CELF5: variants seen among roughly 807,000 people sequenced by gnomAD.
The protein encoded by CELF5 is CUGBP Elav-like family member 5, also known as CUG-BP and ETR-3 like factor 5.
Under a neutral mutation model 54.9 loss-of-function variants are expected in CELF5, and 6 were observed. The ratio of observed to expected loss-of-function variants is 0.11; its 90% confidence interval spans 0.06 to 0.22. CELF5 has a LOEUF of 0.22. Ranked by LOEUF, CELF5 falls within the 10% of genes least tolerant of loss-of-function variation. The pLI is 1.00. For synonymous variants in CELF5, 271 were observed against 290.9 expected (o/e 0.93, Z 0.70); for missense variants, 401 against 678.6 (o/e 0.59, Z 4.54).
intron 1 of CELF5, among the ~76,000 whole-genome samples, chr19:3,233,118 T>TA (rs1473336523): frequency 6.6e-6 from 1 of 151,070 alleles, no homozygotes; most frequent in East Asian, 1.9e-4. Flanking sequence ...AATAAATAAA[T>TA]AAATAAATAA....
At position 3,228,147 on chromosome 19, in the gene CELF5, GAGAGAGACACGCAGGGAA is replaced by G. The variant is rs1402192476; in HGVS notation, c.259+3159_259+3176del. Reference sequence around the variant, plus strand: ...AGAGAGATGAGGACACAGAGAGAGAGAGAGAGACACGCAGGGAAAGAGAGACAGAGAGACCCACAGAGA... The same window carrying G: ...AGAGAGATGAGGACACAGAGAGAGAGAGAGAGACAGAGAGACCCACAGAGA... On this transcript the variant is annotated intron_variant, in intron 1 of 12. Transcript: ENST00000292672. The surrounding 1 kb of genome is among the most constrained non-coding windows in gnomAD (Gnocchi z 6.0). Among the ~76,000 whole-genome samples, 1 of 152,100 alleles carries G rather than the reference GAGAGAGACACGCAGGGAA, an allele frequency of 6.6e-6. No homozygotes were observed. The highest frequency in any genetic ancestry group is 1.5e-5 in the Non-Finnish European group (1 of 67,992).
intron 1 of CELF5, among the ~76,000 whole-genome samples, chr19:3,242,048 T>TAC (rs1234157393): frequency 1.3e-5 from 2 of 152,162 alleles, no homozygotes; most frequent in Non-Finnish European, 2.9e-5. Flanking sequence ...ATGCTAGGAT[T>TAC]ACAGGCATGA....
At chr19:3,236,176 G>C (rs747231200) in intron 1 of CELF5, among the ~76,000 whole-genome samples, 1 of 152,136 alleles carries the variant, frequency 6.6e-6, no homozygotes. Flanking sequence ...GCATTTATGC[G>C]TGCATTGAGG....
rs2079668551 is a variant in CELF5 at position 3,252,721 on chromosome 19, G to A, written c.342+1654G>A. Among the ~76,000 whole-genome samples the A allele has an allele frequency of 2.0e-5, 3 of 152,088 alleles. No homozygotes were observed. The South Asian group carries it at 6.2e-4, about 32-fold the overall frequency. ...GGCCTCTGCTTGGTCTTGAAGAATAGAGAGCCCCTCTTTTGGGTGTGATGT... is the reference window on the plus strand; with the variant it reads ...GGCCTCTGCTTGGTCTTGAAGAATAAAGAGCCCCTCTTTTGGGTGTGATGT... On this transcript the variant is annotated intron_variant, in intron 2 of 12. Transcript: ENST00000292672.
intron 10 of CELF5, among the ~76,000 whole-genome samples, 195 bp from the exon 11 acceptor site, chr19:3,290,036 C>T (rs1379819683): frequency 9.9e-5 from 15 of 152,046 alleles, no homozygotes. Context: ...TGAGATCGTA[C>T]AGTGCAGGCA....
intron 1 of CELF5, among the ~76,000 whole-genome samples, chr19:3,232,238 G>A (rs1294053281): frequency 6.6e-6 from 1 of 152,186 alleles, no homozygotes; most frequent in Admixed American, 6.5e-5. Flanking sequence ...AGTTCACAGA[G>A]CAGTTGTCAA....
intron 2 of CELF5, among the ~76,000 whole-genome samples, chr19:3,259,284 G>T (rs1257319280): frequency 6.6e-6 from 1 of 152,016 alleles, no homozygotes; most frequent in East Asian, 1.9e-4. Context: ...CCCCGCCCCA[G>T]GACACTGGCT....
chr19:3,257,966 A>ATTT (rs539724536), intron 2 of CELF5, among the ~76,000 whole-genome samples: 1 of 144,450 alleles, frequency 6.9e-6, no homozygotes, highest in African/African-American at 2.5e-5. Context: ...TACCTGGCTG[A>ATTT]TTTTTTTTTT....
At chr19:3,284,625 G>C (rs72987091) in intron 8 of CELF5, 59,348 of 484,504 alleles carry the variant, frequency 0.12, 4,178 homozygotes, top group Middle Eastern at 0.16. Context: ...GAGGCAACCG[G>C]GTCGGGATAG....
chr19:3,240,921 C>A (rs1021538694), intron 1 of CELF5, among the ~76,000 whole-genome samples: 1 of 152,102 alleles, frequency 6.6e-6, no homozygotes, highest in Non-Finnish European at 1.5e-5. Flanking sequence ...AGGTCCCCAG[C>A]TGCCCGGGCT....
At chr19:3,269,015 T>G (rs1400929059) in intron 2 of CELF5, among the ~76,000 whole-genome samples, 1 of 151,952 alleles carries the variant, frequency 6.6e-6, no homozygotes, top group African/African-American at 2.4e-5. Context: ...ACAGCAGCGT[T>G]TAGAGCAGGG....
At position 3,285,945 on chromosome 19, in the gene CELF5, T is replaced by C; in HGVS notation, c.1106T>C (p.Met369Thr). ...TGTCTCGCTCCGGTCTCCGCAGCCA[T>C]GTACCCCACCGCGGCCATCACGCCC... Reference protein sequence around the residue: ...AFSGVQQYTAMYPTAAITPIA... With the variant: ...AFSGVQQYTATYPTAAITPIA... The change falls in exon 10 of 13, where the codon ATG (methionine) becomes ACG (threonine). Residue 369 changes from methionine to threonine, a missense_variant. By Grantham distance (81) the Met-to-Thr change is moderately conservative (BLOSUM62 -1). Around this residue, in one of 6 missense-constraint regions of CELF5, gnomAD observed 143 missense variants for 147.6 expected, o/e 0.97. Transcript: ENST00000292672. The C allele has an allele frequency of 1.3e-6, 2 of 1,573,172 alleles. No homozygotes were observed. The highest frequency in any genetic ancestry group is 1.7e-6 in the Non-Finnish European group (2 of 1,164,672).
chr19:3,288,019 TGGGGAAG>T (rs1216158059), intron 10 of CELF5, among the ~76,000 whole-genome samples: 3 of 152,016 alleles, frequency 2.0e-5, no homozygotes, highest in African/African-American at 7.2e-5. Context: ...TGACCCCGGA[TGGGGAAG>T]GTGCAGCTCA....
At chr19:3,269,656 G>A (rs999139213) in intron 2 of CELF5, among the ~76,000 whole-genome samples, 3 of 152,118 alleles carry the variant, frequency 2.0e-5, no homozygotes, top group Non-Finnish European at 2.9e-5. Context: ...ACTGTTTCTC[G>A]GCCAGCCAGT....
chr19:3,251,665 T>TG lies in CELF5; in HGVS notation c.342+598_342+599insG, dbSNP rs1568339515. On this transcript the variant is annotated intron_variant, in intron 2 of 12. Coordinates refer to ENST00000292672, the MANE Select transcript of CELF5 (RefSeq NM_021938.4). ...ACACAAGGGCTTCTTTTTTTTTTTT[T>TG]TTTTTTTTTGTTGTTGTTGTTGTTG... is the stretch of plus-strand genomic sequence containing the variant. 1.8e-3 allele frequency among the ~76,000 whole-genome samples: 242 copies of TG among 137,016 alleles called. 1 individual carries two copies. Among genetic ancestry groups the TG allele is most frequent in the African/African-American group, 5.2e-3 (200 of 38,344 alleles). The allele number at this position is 137,016 out of a possible 152,430, so 89.9% of individuals were successfully genotyped here.
Position 3,257,487 on chromosome 19 carries a change from T to A in CELF5, c.342+6420T>A, listed in dbSNP as rs187678151. Reference sequence around the variant, plus strand: ...ATTATTATTATTTATTATTATTATTTTTTTTGAGACCGAGTTTCACTCTTG... The same window carrying A: ...ATTATTATTATTTATTATTATTATTATTTTTGAGACCGAGTTTCACTCTTG... On this transcript the variant is annotated intron_variant, in intron 2 of 12. Transcript: ENST00000292672. 2.1e-3 allele frequency among the ~76,000 whole-genome samples: 318 copies of A among 152,086 alleles called. 2 individuals carry two copies. The highest frequency in any genetic ancestry group is 4.2e-3 in the African/African-American group (175 of 41,528).
At chr19:3,263,620 C>T (rs1291050568) in intron 2 of CELF5, among the ~76,000 whole-genome samples, 3 of 151,392 alleles carry the variant, frequency 2.0e-5, no homozygotes, top group African/African-American at 4.9e-5. Context: ...AAGTACTACA[C>T]ACGGCCGGGC....
chr19:3,280,302 G>A (rs73519502), intron 5 of CELF5, among the ~76,000 whole-genome samples: 5,499 of 152,226 alleles, frequency 0.036, 326 homozygotes, highest in African/African-American at 0.12. Flanking sequence ...CTGGGGCTGG[G>A]CGTGGTGGCT....
chr19:3,247,502 T>C (rs1249379937), intron 1 of CELF5, among the ~76,000 whole-genome samples: 2 of 151,314 alleles, frequency 1.3e-5, no homozygotes, highest in African/African-American at 4.9e-5. Flanking sequence ...ACTCAAGTGA[T>C]CCTCCCGCCT....
Sources: gnomAD v4.1 joint callset for allele counts (sites outside exome capture counted in the v4.1 genomes callset) on GRCh38, gnomAD v4.1.1 for gene constraint, gnomAD v4.1.1 regional missense constraint, Gnocchi (gnomAD v3.1) non-coding constraint, MANE v1.5 for transcripts, NCBI Gene and HGNC (gene_info 2026-07-23, HGNC 2026-07-21) for gene names.